Variants in GNA12 observed in about 807,000 individuals in gnomAD.
GNA12 encodes G protein subunit alpha 12.
A neutral mutation model predicts 26.0 loss-of-function variants in GNA12; 9 were observed. That is an observed-to-expected ratio of 0.35 (90% CI 0.21 to 0.60). The LOEUF is 0.60. Among genes scored for constraint, GNA12 ranks in the 20% least tolerant of loss-of-function variants. GNA12 has a pLI of 0.78. For synonymous variants in GNA12, 264 were observed against 219.6 expected, an observed-to-expected ratio of 1.20 and a Z score of -1.79; for missense variants, 405 against 525.8, an observed-to-expected ratio of 0.77 and a Z score of 2.25.
At chr7:2,762,932 A>G (rs1791636387) in intron 2 of GNA12, 2 of 1,398,348 alleles carry the variant, frequency 1.4e-6, no homozygotes, top group Non-Finnish European at 1.9e-6. Context: ...GGGACGCCCC[A>G]GACACTCCCG....
At chr7:2,746,679 T>C (rs1180947056) in intron 2 of GNA12, among the ~76,000 whole-genome samples, 1 of 151,940 alleles carries the variant, frequency 6.6e-6, no homozygotes, top group Non-Finnish European at 1.5e-5. Context: ...AGAGCAGAAC[T>C]GAAGGAAATA....
At chr7:2,790,694 C>T (rs964258231) in intron 2 of GNA12, among the ~76,000 whole-genome samples, 1 of 152,198 alleles carries the variant, frequency 6.6e-6, no homozygotes, top group East Asian at 1.9e-4. Context: ...CAAGGCTGGG[C>T]CTGGTGGTAT....
chr7:2,810,618 C>T (rs1022570163), intron 1 of GNA12, among the ~76,000 whole-genome samples: 2 of 152,096 alleles, frequency 1.3e-5, no homozygotes, highest in Admixed American at 1.3e-4. Flanking sequence ...GAGAAAAGTC[C>T]GGGCACAGTG....
At chr7:2,840,578 G>T (rs1778963577) in intron 1 of GNA12, among the ~76,000 whole-genome samples, 1 of 152,204 alleles carries the variant, frequency 6.6e-6, no homozygotes, top group South Asian at 2.1e-4. Context: ...CCCTTCCCTG[G>T]CCAAGTTTAG....
chr7:2,753,664 G>T (rs1791144674), intron 2 of GNA12, among the ~76,000 whole-genome samples: 1 of 152,164 alleles, frequency 6.6e-6, no homozygotes, highest in South Asian at 2.1e-4. Context: ...TACAGGTGTG[G>T]TGTGGATGTA....
intron 2 of GNA12, chr7:2,763,151 TCTG>T: frequency 8.3e-7 from 1 of 1,200,476 alleles, no homozygotes; most frequent in Non-Finnish European, 1.0e-6. Flanking sequence ...TCTCGAATAT[TCTG>T]CTGACAAGAG....
intron 1 of GNA12, among the ~76,000 whole-genome samples, chr7:2,820,689 C>G (rs779565595): frequency 7.9e-5 from 12 of 152,212 alleles, no homozygotes; most frequent in Non-Finnish European, 1.6e-4. Flanking sequence ...ACTGACCACC[C>G]TGGCCTCTGC....
chr7:2,778,716 C>A (rs1187647302), intron 2 of GNA12, among the ~76,000 whole-genome samples: 1 of 152,206 alleles, frequency 6.6e-6, no homozygotes, highest in Non-Finnish European at 1.5e-5. Context: ...GTTTTCACAT[C>A]TCTCAGAGTC....
chr7:2,815,279 G>A (rs1053014507), intron 1 of GNA12: 7 of 223,748 alleles, frequency 3.1e-5, no homozygotes, highest in Admixed American at 5.5e-5. Flanking sequence ...TGGGGAAGGC[G>A]GCTCAGGAGG....
intron 2 of GNA12, among the ~76,000 whole-genome samples, chr7:2,768,589 G>T (rs970323410): frequency 6.6e-6 from 1 of 151,536 alleles, no homozygotes; most frequent in East Asian, 1.9e-4. Context: ...CTTTCAAAAT[G>T]GTTATAATGC....
intron 1 of GNA12, among the ~76,000 whole-genome samples, chr7:2,828,666 A>T (rs145014463): frequency 3.9e-5 from 6 of 152,352 alleles, no homozygotes; most frequent in African/African-American, 1.4e-4. Flanking sequence ...AAACAAAACT[A>T]TTCCTGCTCT....
intron 2 of GNA12, among the ~76,000 whole-genome samples, chr7:2,736,061 ACTC>A (rs750445742): frequency 5.9e-5 from 9 of 152,004 alleles, no homozygotes; most frequent in African/African-American, 9.7e-5. Context: ...TTTGCGACGG[ACTC>A]CTCAAGTCTT....
At chr7:2,810,285 G>C (rs1420068654) in intron 1 of GNA12, among the ~76,000 whole-genome samples, 1 of 152,068 alleles carries the variant, frequency 6.6e-6, no homozygotes, top group Non-Finnish European at 1.5e-5. Context: ...GGTGGAAGGG[G>C]TATACAAGCT....
At chr7:2,769,852 C>T (rs77929668) in intron 2 of GNA12, among the ~76,000 whole-genome samples, 1 of 152,144 alleles carries the variant, frequency 6.6e-6, no homozygotes, top group Non-Finnish European at 1.5e-5. Context: ...TCTTTATACC[C>T]TTAACACACT....
intron 3 of GNA12, among the ~76,000 whole-genome samples, chr7:2,732,561 A>G (rs1252144367): frequency 6.6e-6 from 1 of 152,168 alleles, no homozygotes. Flanking sequence ...ATCGAAAAAC[A>G]AAACAGAACA....
intron 1 of GNA12, among the ~76,000 whole-genome samples, chr7:2,825,277 G>A (rs1348768039): frequency 1.3e-5 from 2 of 152,202 alleles, no homozygotes; most frequent in South Asian, 4.2e-4. Context: ...CCCTCCCTCC[G>A]AGCTCTTGCC....
In GNA12 at chr7:2,737,264, G is replaced by GTTTT. The variant is rs201866976; in HGVS notation, c.526-3767_526-3764dup. On this transcript the variant is annotated intron_variant, in intron 2 of 3. Coordinates refer to ENST00000275364, the MANE Select transcript of GNA12 (RefSeq NM_007353.3). ...CTGCCCATTCAGGAGCTATCTCACA[G>GTTTT]TTTTGTTTTGTTTTTTTTTTTTTTG... Among the ~76,000 whole-genome samples, 22 of 52,484 alleles carry GTTTT rather than the reference G, an allele frequency of 4.2e-4. 2 individuals carry two copies. The highest frequency in any genetic ancestry group is 2.6e-3 in the East Asian group (4 of 1,510). 34.4% of individuals were successfully genotyped at this position (52,484 alleles called of 152,430 possible). A position where few individuals can be genotyped will look rare whatever the true frequency, so the allele number is the denominator to read the frequency against.
chr7:2,839,891 T>A (rs1459847563), intron 1 of GNA12, among the ~76,000 whole-genome samples: 1 of 151,986 alleles, frequency 6.6e-6, no homozygotes, highest in East Asian at 1.9e-4. Context: ...CCCAGCTACC[T>A]GGGAGGCTGG....
intron 1 of GNA12, among the ~76,000 whole-genome samples, chr7:2,801,452 G>C (rs1391961673): frequency 2.6e-5 from 4 of 152,156 alleles, no homozygotes; most frequent in African/African-American, 9.7e-5. Flanking sequence ...GTGAACATAG[G>C]TTTGGCTTAA....
Sources: allele counts gnomAD v4.1 joint callset (sites outside exome capture counted in the v4.1 genomes callset), GRCh38; gene constraint gnomAD v4.1.1; transcripts MANE v1.5; gene names NCBI Gene and HGNC (gene_info 2026-07-23, HGNC 2026-07-21).